Variants in SDK1 observed in about 807,000 individuals in gnomAD.
The protein encoded by SDK1 is sidekick cell adhesion molecule 1.
Under a neutral mutation model 245.5 loss-of-function variants are expected in SDK1, and 157 were observed. The ratio of observed to expected loss-of-function variants is 0.64; its 90% confidence interval spans 0.56 to 0.73. SDK1 has a LOEUF of 0.73. Among genes scored for constraint, SDK1 ranks in the 30% least tolerant of loss-of-function variants. The probability of loss-of-function intolerance (pLI) is 0.00; values close to 1 mark genes in which losing one functional copy is unlikely to be tolerated. For missense variants in SDK1, 3,583 were observed against 3,002.3 expected (o/e 1.19, Z -4.52); for synonymous variants, 1,647 against 1,278.5 (o/e 1.29, Z -6.15).
At chr7:3,882,948 G>A (rs1781242886) in intron 5 of SDK1, among the ~76,000 whole-genome samples, 1 of 152,186 alleles carries the variant, frequency 6.6e-6, no homozygotes, top group African/African-American at 2.4e-5. Context: ...TTTAGGTAAT[G>A]GAACATTTGC....
At chr7:3,827,562 T>C (rs1274673531) in intron 5 of SDK1, among the ~76,000 whole-genome samples, 1 of 152,256 alleles carries the variant, frequency 6.6e-6, no homozygotes, top group Non-Finnish European at 1.5e-5. Context: ...TTTTGCTGTC[T>C]ACAAAACGAG....
intron 5 of SDK1, among the ~76,000 whole-genome samples, chr7:3,849,211 T>C (rs1562488545): frequency 6.6e-6 from 1 of 152,212 alleles, no homozygotes; most frequent in Non-Finnish European, 1.5e-5. Flanking sequence ...AATGCGCTTG[T>C]ACTACATGTC....
chr7:3,451,251 A>C (rs575133544), intron 1 of SDK1, among the ~76,000 whole-genome samples: 38 of 151,822 alleles, frequency 2.5e-4, no homozygotes, highest in African/African-American at 9.1e-4. Context: ...GTGAAGTTCC[A>C]AGAGACAAGC....
At position 4,012,125 on chromosome 7, in the gene SDK1, T is replaced by C; in HGVS notation, c.2310T>C (p.Ala770=). 1 of 1,573,306 alleles carries C rather than the reference T, an allele frequency of 6.4e-7. No individual in the cohort carries two copies. The highest frequency in any genetic ancestry group is 8.6e-7 in the Non-Finnish European group (1 of 1,160,358). ...RLMLPEEPPS[A]PPKNIVASGR... ...TGCTACCTGAAGAACCACCCAGTGC[T>C]CCCCCGAAAAATATAGTGGCCAGTG... is the stretch of plus-strand genomic sequence containing the variant. Residue 770 remains alanine (A), a synonymous_variant, in exon 16 of 45, where the codon GCT becomes GCC. Coordinates refer to ENST00000404826, the MANE Select transcript of SDK1 (RefSeq NM_152744.4).
In SDK1 at chr7:4,135,894, G is replaced by T. The variant is rs137903819; in HGVS notation, c.4228+3471G>T. On this transcript the variant is annotated intron_variant, in intron 28 of 44. Coordinates refer to ENST00000404826, the MANE Select transcript of SDK1 (RefSeq NM_152744.4). ...GGCTCAGCCTGGTCCTAGTATTCCCGTTGCATGCAGCAGTGGTGTGCTGCC... is the reference window on the plus strand; with the variant it reads ...GGCTCAGCCTGGTCCTAGTATTCCCTTTGCATGCAGCAGTGGTGTGCTGCC... Among the ~76,000 whole-genome samples, 441 of 152,290 alleles carry T rather than the reference G, an allele frequency of 2.9e-3. 1 individual carries two copies. Among genetic ancestry groups the T allele is most frequent in the Middle Eastern group, 6.8e-3 (2 of 292 alleles).
In SDK1 at chr7:4,268,091, G is replaced by A. The variant is rs1209880457; in HGVS notation, c.*2707G>A. 8 of 985,462 alleles carry A rather than the reference G, an allele frequency of 8.1e-6. No homozygotes were observed. In the Admixed American group the frequency reaches 2.5e-4, roughly 30 times the overall value. The allele number at this position is 985,462 out of a possible 1,614,324, so 61.0% of individuals were successfully genotyped here. On this transcript the variant is annotated 3_prime_UTR_variant, in exon 45 of 45. Transcript: ENST00000404826. ...AACAAAATGTCTCTAAGCCAGGCTA[G>A]ATGGAATGTGCTCCCGCTCTCTCCT... is the stretch of plus-strand genomic sequence containing the variant.
chr7:3,407,836 A>G (rs908659219), intron 1 of SDK1, among the ~76,000 whole-genome samples: 16 of 152,262 alleles, frequency 1.1e-4, no homozygotes, highest in African/African-American at 3.6e-4. Flanking sequence ...AAAACAAATC[A>G]TTTAACTGCC....
chr7:4,167,979 G>A (rs531548565), intron 32 of SDK1, among the ~76,000 whole-genome samples: 15 of 152,338 alleles, frequency 9.8e-5, no homozygotes, highest in Non-Finnish European at 1.5e-4. Flanking sequence ...ATGCCTCCGA[G>A]CACCTCCGGA....
intron 43 of SDK1, among the ~76,000 whole-genome samples, chr7:4,245,316 ACTGCACTCCC>A (rs1786777805): frequency 6.6e-6 from 1 of 151,864 alleles, no homozygotes; most frequent in African/African-American, 2.4e-5. Flanking sequence ...ATCTCTCTCC[ACTGCACTCCC>A]CTGCCTGCAT....
chr7:4,245,533 TTGC>T, intron 43 of SDK1, 140 bp from the exon 44 acceptor site: 1 of 859,444 alleles, frequency 1.2e-6, no homozygotes, highest in Non-Finnish European at 1.8e-6. Flanking sequence ...TCAGAATTTT[TTGC>T]ATCAGTTGCC....
intron 12 of SDK1, 25 bp downstream of exon 12, chr7:3,971,593 T>C (rs369595482): frequency 1.3e-6 from 2 of 1,500,716 alleles, no homozygotes; most frequent in Non-Finnish European, 1.8e-6. Flanking sequence ...TTACAATGCT[T>C]TGGGGCTTGT....
rs1583296778 is a variant in SDK1 at position 3,676,226 on chromosome 7, C to G, written c.713+34121C>G. ...TGGAGACGGGGTCTCACTATGTTGCCCAGACTGGTCTCAAACTCCTGGGCT... is the reference window on the plus strand; with the variant it reads ...TGGAGACGGGGTCTCACTATGTTGCGCAGACTGGTCTCAAACTCCTGGGCT... On this transcript the variant is annotated intron_variant, in intron 4 of 44. Coordinates refer to ENST00000404826, the MANE Select transcript of SDK1 (RefSeq NM_152744.4). 2.6e-5 allele frequency among the ~76,000 whole-genome samples: 4 copies of G among 152,100 alleles called. No individual in the cohort carries two copies. The South Asian group carries it at 8.3e-4, about 32-fold the overall frequency.
chr7:4,140,621 C>T (rs1343402225), intron 28 of SDK1, among the ~76,000 whole-genome samples: 5 of 152,240 alleles, frequency 3.3e-5, no homozygotes, highest in South Asian at 2.1e-4. Flanking sequence ...AGCTGGGGCT[C>T]GATGCCGAGG....
At chr7:3,363,791 C>T (rs1436965181) in intron 1 of SDK1, among the ~76,000 whole-genome samples, 1 of 152,212 alleles carries the variant, frequency 6.6e-6, no homozygotes, top group Non-Finnish European at 1.5e-5. Context: ...TCGTCCACTG[C>T]TCCCCTCCTG....
At chr7:3,845,958 C>T (rs944570772) in intron 5 of SDK1, among the ~76,000 whole-genome samples, 1 of 152,130 alleles carries the variant, frequency 6.6e-6, no homozygotes, top group African/African-American at 2.4e-5. Context: ...GCAGAAATCC[C>T]ATTTAATAAT....
intron 5 of SDK1, among the ~76,000 whole-genome samples, chr7:3,921,748 T>C (rs1168420332): frequency 1.3e-5 from 2 of 151,972 alleles, no homozygotes; most frequent in Non-Finnish European, 2.9e-5. Flanking sequence ...GGAGGATCAC[T>C]TGAGCCCAGG....
chr7:3,887,572 C>T (rs989254085), intron 5 of SDK1, among the ~76,000 whole-genome samples: 1 of 152,212 alleles, frequency 6.6e-6, no homozygotes, highest in African/African-American at 2.4e-5. Flanking sequence ...GAAATGCCCA[C>T]AGCCAAGGTT....
intron 1 of SDK1, among the ~76,000 whole-genome samples, chr7:3,380,856 C>T (rs10224159): frequency 0.48 from 72,478 of 151,978 alleles, 18,917 homozygotes; most frequent in South Asian, 0.62. Flanking sequence ...AAAGAAACCA[C>T]CCCCATTAGA....
chr7:3,543,458 CA>C (rs1335599109), intron 1 of SDK1, among the ~76,000 whole-genome samples: 1 of 152,188 alleles, frequency 6.6e-6, no homozygotes, highest in Non-Finnish European at 1.5e-5. Context: ...GAATGGGTGC[CA>C]GGTGAGTGGG....
Sources: gnomAD v4.1 joint callset for allele counts (sites outside exome capture counted in the v4.1 genomes callset) on GRCh38, gnomAD v4.1.1 for gene constraint, MANE v1.5 for transcripts, NCBI Gene and HGNC (gene_info 2026-07-23, HGNC 2026-07-21) for gene names.